The following ANKS3 variants were observed in gnomAD, a reference collection of about 807,000 sequenced individuals.
ANKS3 encodes the protein ankyrin repeat and sterile alpha motif domain containing 3, also known as ankyrin repeat and SAM domain-containing protein 3.
A neutral mutation model predicts 80.7 loss-of-function variants in ANKS3; 62 were observed. That is an observed-to-expected ratio of 0.77 (90% CI 0.63 to 0.95). The LOEUF is 0.95. Among genes scored for constraint, ANKS3 ranks in the 40% least tolerant of loss-of-function variants. The pLI is 0.00. For synonymous variants in ANKS3, 489 were observed against 355.3 expected (o/e 1.38, Z -4.23); for missense variants, 1,150 against 883.6 (o/e 1.30, Z -3.82).
intron 1 of ANKS3, among the ~76,000 whole-genome samples, chr16:4,732,936 G>A (rs949290495): frequency 7.2e-5 from 11 of 152,022 alleles, no homozygotes; most frequent in African/African-American, 2.4e-4. Flanking sequence ...GGATGGAAGC[G>A]GAGATCGTTA....
At chr16:4,698,199 T>C (rs958589975) in intron 14 of ANKS3, 137 bp from the exon 15 acceptor site, 4 of 1,167,388 alleles carry the variant, frequency 3.4e-6, no homozygotes, top group Non-Finnish European at 4.8e-6. Flanking sequence ...CAGTGCCCCA[T>C]GAGGCTGCAC....
At chr16:4,715,962 CG>C (rs1181822550) in intron 6 of ANKS3, among the ~76,000 whole-genome samples, 1 of 152,062 alleles carries the variant, frequency 6.6e-6, no homozygotes, top group African/African-American at 2.4e-5. Flanking sequence ...TAATGAGCTA[CG>C]TGAGAGCATA....
chr16:4,699,190 G>A lies in ANKS3; in HGVS notation c.1285-14C>T, dbSNP rs555313941. 10 of 1,613,572 alleles carry A rather than the reference G, an allele frequency of 6.2e-6. No individual in the cohort carries two copies. The East Asian group carries it at 2.0e-4, about 32-fold the overall frequency. On this transcript the variant is annotated splice_polypyrimidine_tract_variant and intron_variant, in intron 11 of 17. Transcript: ENST00000304283. ...TGCGGCAAGGTCCTGGCAGGCACAG[G>A]GGACAGGTTGGGGGAGGTAGTGGCT...
intron 2 of ANKS3, among the ~76,000 whole-genome samples, chr16:4,730,905 A>G (rs548867829): frequency 1.3e-5 from 2 of 152,142 alleles, no homozygotes; most frequent in Non-Finnish European, 2.9e-5. Flanking sequence ...CTACTTAGCA[A>G]CTCCAATCCC....
Position 4,696,712 on chromosome 16 carries a change from A to G in ANKS3, c.*196T>C. On this transcript the variant is annotated 3_prime_UTR_variant, in exon 18 of 18. Transcript: ENST00000304283. Reference sequence around the variant, plus strand: ...CTGGGTGAGGCCCTCGTCCCGCCTCAGTGCTGGCCCGAGCTGCCGAGCCAG... The same window carrying G: ...CTGGGTGAGGCCCTCGTCCCGCCTCGGTGCTGGCCCGAGCTGCCGAGCCAG... 1 of 450,162 alleles carries G rather than the reference A, an allele frequency of 2.2e-6. No homozygotes were observed. 27.9% of individuals were successfully genotyped at this position (450,162 alleles called of 1,614,324 possible). A position where few individuals can be genotyped will look rare whatever the true frequency, so the allele number is the denominator to read the frequency against.
chr16:4,702,810 G>A (rs898469160), intron 8 of ANKS3, among the ~76,000 whole-genome samples: 1 of 152,030 alleles, frequency 6.6e-6, no homozygotes, highest in African/African-American at 2.4e-5. Context: ...ATGTATACCA[G>A]GCAATTTCAC....
At chr16:4,733,202 C>CAAAAAAAAA (rs56944690) in intron 1 of ANKS3, among the ~76,000 whole-genome samples, 1 of 70,522 alleles carries the variant, frequency 1.4e-5, no homozygotes, top group Non-Finnish European at 2.5e-5. Flanking sequence ...GACTCCGTCT[C>CAAAAAAAAA]AAAAAAAAAA....
intron 1 of ANKS3, 139 bp downstream of exon 1, chr16:4,733,799 G>A (rs1037027321): frequency 6.9e-6 from 3 of 432,744 alleles, no homozygotes; most frequent in Non-Finnish European, 9.2e-6. Flanking sequence ...TAACAAATGT[G>A]ATGCTGGTGG....
At chr16:4,697,225 G>C in intron 16 of ANKS3, 108 bp downstream of exon 16, 2 of 1,549,634 alleles carry the variant, frequency 1.3e-6, no homozygotes, top group South Asian at 1.1e-5. Flanking sequence ...CAGCCCCGAG[G>C]TCAGCCTTGG....
In ANKS3 at chr16:4,706,527, G is replaced by A. The variant is rs1279314495; in HGVS notation, c.710-1274C>T. 2.6e-5 allele frequency among the ~76,000 whole-genome samples: 4 copies of A among 152,218 alleles called. No homozygotes were observed. The East Asian group carries it at 5.8e-4, about 22-fold the overall frequency. Reference sequence around the variant, plus strand: ...GCTGGCATCACAGGAGTGAGCCACAGCGCCCAGCCACAATTTTGTATTTTC... The same window carrying A: ...GCTGGCATCACAGGAGTGAGCCACAACGCCCAGCCACAATTTTGTATTTTC... On this transcript the variant is annotated intron_variant, in intron 7 of 17. Transcript: ENST00000304283.
At chr16:4,700,886 C>T in intron 11 of ANKS3, 84 bp downstream of exon 11, 4 of 1,544,568 alleles carry the variant, frequency 2.6e-6, no homozygotes, top group Non-Finnish European at 3.6e-6. Flanking sequence ...CAGCGCCTGG[C>T]ACGTCATATA....
intron 1 of ANKS3, among the ~76,000 whole-genome samples, chr16:4,733,241 C>T (rs1486127844): frequency 6.8e-6 from 1 of 146,946 alleles, no homozygotes; most frequent in African/African-American, 2.5e-5. Flanking sequence ...AGTATTTGAC[C>T]GCACAACAGG....
intron 6 of ANKS3, among the ~76,000 whole-genome samples, chr16:4,723,242 A>C (rs191002472): frequency 6.6e-6 from 1 of 152,212 alleles, no homozygotes; most frequent in African/African-American, 2.4e-5. Context: ...CAGTTGTTCA[A>C]CCATCACCAC....
intron 8 of ANKS3, among the ~76,000 whole-genome samples, chr16:4,703,690 C>T (rs1184401545): frequency 1.3e-5 from 2 of 152,116 alleles, no homozygotes; most frequent in Non-Finnish European, 2.9e-5. Context: ...GGATTACAGG[C>T]GTGAGCCACT....
chr16:4,723,356 T>A (rs565691926), intron 6 of ANKS3, among the ~76,000 whole-genome samples: 1 of 152,368 alleles, frequency 6.6e-6, no homozygotes, highest in South Asian at 2.1e-4. Flanking sequence ...TCTGGACATT[T>A]CCTATGAGTG....
chr16:4,719,323 ACT>A (rs1268321801), intron 6 of ANKS3, among the ~76,000 whole-genome samples: 1 of 152,098 alleles, frequency 6.6e-6, no homozygotes, highest in East Asian at 1.9e-4. Context: ...ACAGAGTGAG[ACT>A]CTGTCTCAAA....
At chr16:4,707,445 C>G (rs995264634) in intron 7 of ANKS3, among the ~76,000 whole-genome samples, 4 of 152,046 alleles carry the variant, frequency 2.6e-5, no homozygotes, top group African/African-American at 9.7e-5. Context: ...CCATGCCTGG[C>G]TAATTTGTGT....
chr16:4,713,581 C>A (rs139128697), intron 7 of ANKS3, among the ~76,000 whole-genome samples: 7 of 152,026 alleles, frequency 4.6e-5, no homozygotes, highest in Admixed American at 3.9e-4. Flanking sequence ...CCTGCAAGAC[C>A]CAAAAGTACA....
chr16:4,733,370 C>T (rs2081765075), intron 1 of ANKS3, among the ~76,000 whole-genome samples: 1 of 151,994 alleles, frequency 6.6e-6, no homozygotes, highest in East Asian at 1.9e-4. Flanking sequence ...CGGCTCAATG[C>T]AACCTCCGCC....
Sources: allele counts gnomAD v4.1 joint callset (sites outside exome capture counted in the v4.1 genomes callset), GRCh38; gene constraint gnomAD v4.1.1; transcripts MANE v1.5; gene names NCBI Gene and HGNC (gene_info 2026-07-23, HGNC 2026-07-21).